The following CCDC18 variants were observed in gnomAD, a reference collection of about 807,000 sequenced individuals.
The protein encoded by CCDC18 is coiled-coil domain containing 18.
In CCDC18, 157 loss-of-function variants were observed where a neutral mutation model predicts 196.0. The ratio of observed to expected loss-of-function variants is 0.80; its 90% CI spans 0.70 to 0.91. The LOEUF (loss-of-function observed/expected upper bound fraction) is 0.91. CCDC18 is among the 40% of genes least tolerant of loss of function. The pLI is 0.00. For synonymous variants in CCDC18, 482 were observed against 529.2 expected, an observed-to-expected ratio of 0.91 and a Z score of 1.22; for missense variants, 1,465 against 1,611.6, an observed-to-expected ratio of 0.91 and a Z score of 1.56.
At chr1:93,261,698 T>C (rs548318720) in intron 26 of CCDC18, among the ~76,000 whole-genome samples, 1 of 152,266 alleles carries the variant, frequency 6.6e-6, no homozygotes, top group Admixed American at 6.5e-5. Context: ...GAGTTTAACA[T>C]AAATGTTAAA....
chr1:93,244,556 G>A (rs1661247952), intron 21 of CCDC18, among the ~76,000 whole-genome samples: 1 of 152,166 alleles, frequency 6.6e-6, no homozygotes, highest in Non-Finnish European at 1.5e-5. Context: ...GGGACTAGGG[G>A]AAGGGAAAAT....
In CCDC18 at chr1:93,207,092, C is replaced by A; in HGVS notation, c.918-15C>A. 5 of 1,312,116 alleles carry A rather than the reference C, an allele frequency of 3.8e-6. No homozygotes were observed. Among genetic ancestry groups the A allele is most frequent in the Non-Finnish European group, 5.2e-6 (5 of 959,028 alleles). 81.3% of individuals were successfully genotyped at this position (1,312,116 alleles called of 1,614,324 possible). ...TATATATTTTATTTTCATTTTTATT[C>A]TCTTTTCTTCATAGGCAGTTAAAAG... On this transcript the variant is annotated splice_polypyrimidine_tract_variant and intron_variant, in intron 8 of 28. Coordinates refer to ENST00000690025, the MANE Select transcript of CCDC18 (RefSeq NM_001378204.1).
chr1:93,214,627 T>G (rs902558844), intron 11 of CCDC18, 116 bp from the exon 12 acceptor site: 5 of 657,958 alleles, frequency 7.6e-6, no homozygotes, highest in Non-Finnish European at 1.3e-5. Context: ...TCTGTCCCTT[T>G]TAGTACTCTT....
At chr1:93,245,264 A>T (rs145702246) in intron 21 of CCDC18, among the ~76,000 whole-genome samples, 4,423 of 152,292 alleles carry the variant, frequency 0.029, 190 homozygotes, top group Admixed American at 0.13. Context: ...GCATAGATAG[A>T]AGTTAGAGTT....
intron 14 of CCDC18, among the ~76,000 whole-genome samples, chr1:93,219,864 A>G (rs1460845067): frequency 6.6e-6 from 1 of 152,214 alleles, no homozygotes; most frequent in Non-Finnish European, 1.5e-5. Flanking sequence ...CAACAGAGAA[A>G]AAATTTTTTT....
intron 19 of CCDC18, among the ~76,000 whole-genome samples, chr1:93,238,028 A>T (rs1660287780): frequency 6.6e-6 from 1 of 151,626 alleles, no homozygotes; most frequent in African/African-American, 2.4e-5. Context: ...TGATACCCTA[A>T]TGAAACTTTG....
intron 18 of CCDC18, among the ~76,000 whole-genome samples, chr1:93,233,269 G>C (rs1223518674): frequency 6.6e-6 from 1 of 152,092 alleles, no homozygotes; most frequent in South Asian, 2.1e-4. Flanking sequence ...AAATACCCCT[G>C]AAAGTTCTAA....
intron 16 of CCDC18, among the ~76,000 whole-genome samples, chr1:93,222,566 A>G (rs1434476849): frequency 6.6e-6 from 1 of 152,172 alleles, no homozygotes; most frequent in Admixed American, 6.5e-5. Context: ...GTATATCTTC[A>G]TGGTTAAAAA....
chr1:93,218,423 C>T (rs1656849891), intron 14 of CCDC18, among the ~76,000 whole-genome samples: 1 of 152,036 alleles, frequency 6.6e-6, no homozygotes, highest in Non-Finnish European at 1.5e-5. Flanking sequence ...ATAAAATCGA[C>T]CAATTGTAAC....
At chr1:93,183,931 G>GAATAAACTA in intron 2 of CCDC18, 47 bp from the exon 3 acceptor site, 1 of 1,262,614 alleles carries the variant, frequency 7.9e-7, no homozygotes, top group Non-Finnish European at 1.1e-6. Context: ...AATTTGTAGT[G>GAATAAACTA]AATAAACTAT....
In CCDC18 at chr1:93,258,869, A is replaced by G; in HGVS notation, c.3668A>G (p.Glu1223Gly). ...TCAGCAGAAGTAGAATCTCTCAAAG[A>G]AGCTTATCATATGGAGGTAAAGAAA... ...KLSAEVESLK[E>G]AYHMEMISHQ... is the part of the protein sequence containing the mutation. Residue 1223 changes from glutamate (E) to glycine (G), a missense_variant, in exon 26 of 29, where the codon GAA becomes GGA. Physicochemically the swap from Glu to Gly is moderately conservative, Grantham distance 98. Transcript: ENST00000690025. The G allele has an allele frequency of 6.3e-7, 1 of 1,595,136 alleles. No homozygotes were observed. The highest frequency in any genetic ancestry group is 8.5e-7 in the Non-Finnish European group (1 of 1,172,410).
chr1:93,215,091 A>G (rs1483242162), intron 12 of CCDC18, 125 bp downstream of exon 12: 1 of 547,486 alleles, frequency 1.8e-6, no homozygotes, highest in African/African-American at 1.9e-5. Context: ...ATGGTACCAC[A>G]TAAGTTATAA....
At chr1:93,266,292 C>A (rs1053501792) in intron 27 of CCDC18, among the ~76,000 whole-genome samples, 1 of 152,156 alleles carries the variant, frequency 6.6e-6, no homozygotes, top group Admixed American at 6.5e-5. Context: ...ACATTTAAAG[C>A]AGTGTGGAGA....
chr1:93,186,046 G>T (rs1650619164), intron 3 of CCDC18, among the ~76,000 whole-genome samples: 1 of 151,886 alleles, frequency 6.6e-6, no homozygotes, highest in Admixed American at 6.6e-5. Context: ...TTTTTATCAG[G>T]TTTATGTCTA....
intron 23 of CCDC18, among the ~76,000 whole-genome samples, chr1:93,253,120 G>A (rs565739178): frequency 1.3e-5 from 2 of 152,292 alleles, no homozygotes; most frequent in East Asian, 1.9e-4. Flanking sequence ...AGGCTGAAGA[G>A]CCCAGTCTCA....
chr1:93,208,556 A>G (rs1186549324), intron 9 of CCDC18, among the ~76,000 whole-genome samples: 1 of 152,074 alleles, frequency 6.6e-6, no homozygotes, highest in East Asian at 1.9e-4. Context: ...TGGCCTCCCA[A>G]AGTGCTGGGA....
intron 9 of CCDC18, 60 bp from the exon 10 acceptor site, chr1:93,210,742 T>TA: frequency 1.5e-6 from 2 of 1,351,728 alleles, no homozygotes; most frequent in Non-Finnish European, 2.0e-6. Flanking sequence ...AAGTTCTGAA[T>TA]AAAAAAGCAA....
chr1:93,276,428 GTGT>G (rs1421907077), intron 28 of CCDC18, among the ~76,000 whole-genome samples: 2 of 152,172 alleles, frequency 1.3e-5, no homozygotes, highest in African/African-American at 4.8e-5. Context: ...AGCAGTGGAA[GTGT>G]TGTGAATACT....
chr1:93,255,948 G>T (rs1557697651), intron 24 of CCDC18, among the ~76,000 whole-genome samples: 1 of 152,122 alleles, frequency 6.6e-6, no homozygotes, highest in Non-Finnish European at 1.5e-5. Flanking sequence ...GGATTAAATG[G>T]TGGATTTTAA....
Sources: gnomAD v4.1 joint callset for allele counts (sites outside exome capture counted in the v4.1 genomes callset) on GRCh38, gnomAD v4.1.1 for gene constraint, MANE v1.5 for transcripts, NCBI Gene and HGNC (gene_info 2026-07-23, HGNC 2026-07-21) for gene names.